Variants in HPS4 observed in about 807,000 individuals in gnomAD.
HPS4 encodes HPS4 biogenesis of lysosomal organelles complex 3 subunit 2, also known as BLOC-3 complex member HPS4.
Under a neutral mutation model 70.3 loss-of-function variants are expected in HPS4, and 44 were observed. The ratio of observed to expected loss-of-function variants is 0.63; its 90% CI spans 0.49 to 0.80. The LOEUF (loss-of-function observed/expected upper bound fraction) is 0.80, where lower values mean the gene tolerates loss of function less well. Ranked by LOEUF, HPS4 falls within the 30% of genes least tolerant of loss-of-function variation. HPS4 has a pLI of 0.00. For missense variants in HPS4, 873 were observed against 884.4 expected (o/e 0.99, Z 0.16); for synonymous variants, 377 against 355.9 (o/e 1.06, Z -0.67).
chr22:26,479,772 A>C (rs574575074), intron 2 of HPS4: 23 of 763,876 alleles, frequency 3.0e-5, no homozygotes, highest in African/African-American at 3.8e-5. Context: ...AGATTTCCAG[A>C]AACAGCCCTT....
At position 26,453,130 on chromosome 22, in the gene HPS4, G is replaced by A. The variant is rs1191809314; in HGVS notation, c.*103C>T. On this transcript the variant is annotated 3_prime_UTR_variant, in exon 14 of 14. Coordinates refer to ENST00000398145, the MANE Select transcript of HPS4 (RefSeq NM_022081.6). ...CAAATATCATTTGGTTCCTAAAAAAGGGAATGTTTTCAAGAAAAATAAAAT... is the reference window on the plus strand; with the variant it reads ...CAAATATCATTTGGTTCCTAAAAAAAGGAATGTTTTCAAGAAAAATAAAAT... 1.7e-6 allele frequency: 2 copies of A among 1,210,368 alleles called. No individual in the cohort carries two copies. The highest frequency in any genetic ancestry group is 2.4e-6 in the Non-Finnish European group (2 of 840,666). 75.0% of individuals were successfully genotyped at this position (1,210,368 alleles called of 1,614,324 possible). A position where few individuals can be genotyped will look rare whatever the true frequency, so the allele number is the denominator to read the frequency against.
Position 26,464,753 on chromosome 22 carries a change from G to A in HPS4, c.877C>T (p.Leu293=). The change falls in exon 11 of 14, where the codon CTG becomes TTG. Residue 293 remains leucine (L), a synonymous_variant. Transcript: ENST00000398145. ...HHPKGGSTSA[L]KENATGHVES... is the part of the protein sequence containing the mutation. ...ACATGGCCAGTGGCGTTTTCTTTCA[G>A]GGCAGATGTGCTCCCACCCTTTGGA... The A allele has an allele frequency of 6.3e-7, 1 of 1,588,224 alleles. No homozygotes were observed. Among genetic ancestry groups the A allele is most frequent in the Non-Finnish European group, 8.6e-7 (1 of 1,166,430 alleles).
chr22:26,465,815 A>G (rs1420227086), intron 9 of HPS4: 2 of 560,600 alleles, frequency 3.6e-6, no homozygotes, highest in Admixed American at 3.1e-5. Context: ...GCACTTTTAC[A>G]AGAAGAAGAT....
At chr22:26,446,366 G>A (rs1369476861), downstream of HPS4, among the ~76,000 whole-genome samples, 1 of 152,166 alleles carries the variant, frequency 6.6e-6, no homozygotes, top group Non-Finnish European at 1.5e-5. Context: ...GATTAAACTT[G>A]TAACACTGAG....
chr22:26,483,303 G>T (rs1012931028), intron 1 of HPS4, among the ~76,000 whole-genome samples: 1 of 152,236 alleles, frequency 6.6e-6, no homozygotes, highest in Non-Finnish European at 1.5e-5. Flanking sequence ...AGGTCCAGAA[G>T]AGACCAATAA....
intron 11 of HPS4, among the ~76,000 whole-genome samples, chr22:26,461,160 C>T (rs536145932): frequency 9.8e-5 from 15 of 152,330 alleles, no homozygotes; most frequent in African/African-American, 3.6e-4. Flanking sequence ...CAGCGTGCAG[C>T]AGGAGCAATG....
rs1320654990 is a variant in HPS4, at chr22:26,457,946, G to A, written c.1868C>T (p.Thr623Ile). Reference sequence around the variant, plus strand: ...CTGGAGGAAGCGGCGATCCTGCGGGGTGGCCACCTGCGGCAGGTTTGCTTC... The same window carrying A: ...CTGGAGGAAGCGGCGATCCTGCGGGATGGCCACCTGCGGCAGGTTTGCTTC... Reference protein sequence around the residue: ...LLMANLPQVATPQDRRFLQAV... With the variant: ...LLMANLPQVAIPQDRRFLQAV... Residue 623 changes from threonine (T) to isoleucine (I), a missense_variant, in exon 13 of 14, where the codon ACC (threonine) becomes ATC (isoleucine). Physicochemically the swap from Thr to Ile is moderately conservative, Grantham distance 89. Coordinates refer to ENST00000398145, the MANE Select transcript of HPS4 (RefSeq NM_022081.6). 1 of 1,613,776 alleles carries A rather than the reference G, an allele frequency of 6.2e-7. No individual in the cohort carries two copies. The highest frequency in any genetic ancestry group is 8.5e-7 in the Non-Finnish European group (1 of 1,180,018).
At position 26,472,894 on chromosome 22, in the gene HPS4, A is replaced by AC; in HGVS notation, c.321dup (p.Phe108ValfsTer10). The stretch of plus-strand genomic sequence containing the variant: ...AAGAATCCAACTAGCTGATCCAGAA[A>AC]CCGCTTGCAGCTGACATCAGGGAGC... On this transcript the variant is annotated frameshift_variant, in exon 5 of 14. Coordinates refer to ENST00000398145, the MANE Select transcript of HPS4 (RefSeq NM_022081.6). LOFTEE classifies it high-confidence loss of function. The AC allele has an allele frequency of 6.2e-7, 1 of 1,614,238 alleles. No individual in the cohort carries two copies. Among genetic ancestry groups the AC allele is most frequent in the East Asian group, 2.2e-5 (1 of 44,888 alleles).
At chr22:26,467,432 T>C (rs1340864130) in intron 8 of HPS4, 1 of 152,284 alleles carries the variant, frequency 6.6e-6, no homozygotes, top group Non-Finnish European at 1.5e-5. Context: ...GTCTGATTTT[T>C]CACTTTCATA....
At chr22:26,457,379 G>A (rs778307164) in intron 13 of HPS4, among the ~76,000 whole-genome samples, 1 of 151,936 alleles carries the variant, frequency 6.6e-6, no homozygotes, top group African/African-American at 2.4e-5. Flanking sequence ...ACCCTGCCCA[G>A]CTAATTTTTT....
intron 9 of HPS4, 61 bp from the exon 10 acceptor site, chr22:26,465,612 A>C: frequency 7.4e-7 from 1 of 1,354,878 alleles, no homozygotes. Flanking sequence ...CAGCGGGGCA[A>C]TAGCTGCACT....
chr22:26,472,822 A>C lies in HPS4; in HGVS notation c.384+10T>G. 6.2e-7 allele frequency: 1 copy of C among 1,601,782 alleles called. No individual in the cohort carries two copies. The highest frequency in any genetic ancestry group is 8.6e-7 in the Non-Finnish European group (1 of 1,168,680). On this transcript the variant is annotated intron_variant, in intron 5 of 13. Coordinates refer to ENST00000398145, the MANE Select transcript of HPS4 (RefSeq NM_022081.6). ...GCCCAATGTAAGACTCCTCAACCCC[A>C]TACTTGTACCTCATAAGCTAGGGAA...
At position 26,452,515 on chromosome 22, in the gene HPS4, G is replaced by C. The variant is rs777878254; in HGVS notation, c.*718C>G. 21 of 359,056 alleles carry C rather than the reference G, an allele frequency of 5.8e-5. No homozygotes were observed. The highest frequency in any genetic ancestry group is 1.1e-4 in the African/African-American group (5 of 46,812). The allele number at this position is 359,056 out of a possible 1,614,324, so 22.2% of individuals were successfully genotyped here. On this transcript the variant is annotated 3_prime_UTR_variant, in exon 14 of 14. Coordinates refer to ENST00000398145, the MANE Select transcript of HPS4 (RefSeq NM_022081.6). ...TTGTAGTCAAAGGCAGCGCAGGTTGGTCCTGTTGTCACTGAATTCTCAGGG... is the reference window on the plus strand; with the variant it reads ...TTGTAGTCAAAGGCAGCGCAGGTTGCTCCTGTTGTCACTGAATTCTCAGGG...
intron 4 of HPS4, 51 bp from the exon 5 acceptor site, chr22:26,472,990 A>T (rs1348653480): frequency 6.5e-7 from 1 of 1,534,978 alleles, no homozygotes; most frequent in African/African-American, 1.4e-5. Flanking sequence ...CTTTGAGTCC[A>T]AGCCCAGAAT....
At chr22:26,478,824 C>T (rs2090945852) in intron 3 of HPS4, among the ~76,000 whole-genome samples, 1 of 151,964 alleles carries the variant, frequency 6.6e-6, no homozygotes, top group African/African-American at 2.4e-5. Context: ...GCTGGGATTA[C>T]AGGAGCGTGC....
downstream of HPS4, among the ~76,000 whole-genome samples, chr22:26,449,108 G>A (rs1388691894): frequency 6.6e-6 from 1 of 152,026 alleles, no homozygotes; most frequent in Non-Finnish European, 1.5e-5. Flanking sequence ...CTATCTCCTT[G>A]GCTGCCTTCT....
At chr22:26,455,275 A>G (rs2085897619) in intron 13 of HPS4, among the ~76,000 whole-genome samples, 2 of 152,146 alleles carry the variant, frequency 1.3e-5, no homozygotes, top group African/African-American at 4.8e-5. Context: ...ATAAAGACAC[A>G]TGCACACGTA....
rs114685298 is a variant in HPS4, at chr22:26,464,570, A to G, written c.1060T>C (p.Ser354Pro). Residue 354 changes from serine to proline, a missense_variant, in exon 11 of 14, where the codon TCC becomes CCC. Coordinates refer to ENST00000398145, the MANE Select transcript of HPS4 (RefSeq NM_022081.6). ...SARGEVLGLS[S>P]SLGKELVFLQ... ...AAGACTAGTTCCTTCCCCAGGGAGG[A>G]GCTGAGGCCAAGAACCTCACCCCTG... The G allele has an allele frequency of 5.0e-6, 8 of 1,614,010 alleles. No homozygotes were observed. The highest frequency in any genetic ancestry group is 6.8e-6 in the Non-Finnish European group (8 of 1,180,028).
At chr22:26,456,976 A>G (rs1032447318) in intron 13 of HPS4, among the ~76,000 whole-genome samples, 8 of 152,338 alleles carry the variant, frequency 5.3e-5, no homozygotes, top group Admixed American at 5.2e-4. Context: ...GTGAAAAAAG[A>G]CAACTGTAAA....
Sources: allele counts gnomAD v4.1 joint callset (sites outside exome capture counted in the v4.1 genomes callset), GRCh38; gene constraint gnomAD v4.1.1; transcripts MANE v1.5; gene names NCBI Gene and HGNC (gene_info 2026-07-23, HGNC 2026-07-21).